Variants in CFAP58 observed in about 807,000 individuals in gnomAD.
CFAP58 encodes cilia and flagella associated protein 58.
CFAP58 carries 88 observed loss-of-function variants against 119.5 expected under a neutral mutation model. The ratio of observed to expected loss-of-function variants is 0.74; its 90% CI spans 0.62 to 0.88. CFAP58 has a LOEUF of 0.88. CFAP58 is among the 40% of genes least tolerant of loss of function. The pLI, the probability that CFAP58 is intolerant of heterozygous loss-of-function variation, is 0.00. For synonymous variants in CFAP58, 365 were observed against 366.3 expected (o/e 1.00, Z 0.04); for missense variants, 990 against 1,021.2 (o/e 0.97, Z 0.42).
intron 15 of CFAP58, among the ~76,000 whole-genome samples, chr10:104,424,741 G>A (rs1191627547): frequency 1.3e-5 from 2 of 152,174 alleles, no homozygotes; most frequent in Non-Finnish European, 2.9e-5. Flanking sequence ...TTATGCAGTA[G>A]AGCCACTGTC....
chr10:104,346,827 G>T, the CFAP58 span, among the ~76,000 whole-genome samples: 12 of 151,744 alleles, frequency 7.9e-5, 1 homozygote, highest in South Asian at 1.5e-3. Context: ...GTAGAGACAG[G>T]ATTTCACCAT....
chr10:104,362,118 C>T lies in CFAP58; in HGVS notation c.387C>T (p.Asn129=). The T allele has an allele frequency of 6.2e-7, 1 of 1,614,062 alleles. No individual in the cohort carries two copies. The highest frequency in any genetic ancestry group is 8.5e-7 in the Non-Finnish European group (1 of 1,179,982). The change falls in exon 3 of 18, where the codon AAC becomes AAT. Residue 129 remains asparagine, a synonymous_variant. Transcript: ENST00000369704. ...TTGCTCTGAAAGAGGAAATAGTGAACCTGACCAAACTAGTGGAGCAGGGGT... is the reference window on the plus strand; with the variant it reads ...TTGCTCTGAAAGAGGAAATAGTGAATCTGACCAAACTAGTGGAGCAGGGGT... ...TILALKEEIV[N]LTKLVEQGSG...
intron 15 of CFAP58, among the ~76,000 whole-genome samples, chr10:104,444,701 C>T (rs1274162236): frequency 6.6e-6 from 1 of 152,172 alleles, no homozygotes; most frequent in Non-Finnish European, 1.5e-5. Flanking sequence ...ACAGGTTTTC[C>T]ACTGTAAGCA....
chr10:104,349,052 G>C (rs943802888), upstream of CFAP58, among the ~76,000 whole-genome samples: 1 of 152,192 alleles, frequency 6.6e-6, no homozygotes, highest in Non-Finnish European at 1.5e-5. Context: ...TTTGAGACCA[G>C]CCTGGCTAAC....
intron 15 of CFAP58, among the ~76,000 whole-genome samples, chr10:104,439,882 C>G (rs1265624213): frequency 1.3e-5 from 2 of 152,140 alleles, no homozygotes; most frequent in Non-Finnish European, 2.9e-5. Flanking sequence ...TGCAGTGGCG[C>G]GATCTCGGCT....
intron 9 of CFAP58, among the ~76,000 whole-genome samples, chr10:104,383,753 A>AACACACACAC (rs59181888): frequency 0.021 from 2,996 of 145,896 alleles, 40 homozygotes; most frequent in South Asian, 0.051. Flanking sequence ...TTTACTGTCC[A>AACACACACAC]ACACACACAC....
chr10:104,355,151 A>G (rs1353449650), intron 1 of CFAP58, among the ~76,000 whole-genome samples: 1 of 151,970 alleles, frequency 6.6e-6, no homozygotes, highest in Non-Finnish European at 1.5e-5. Flanking sequence ...ACCCATAGTC[A>G]TTTGTATCTC....
At chr10:104,341,704 A>G in the CFAP58 span, among the ~76,000 whole-genome samples, 1 of 151,898 alleles carries the variant, frequency 6.6e-6, no homozygotes, top group African/African-American at 2.4e-5. Flanking sequence ...ATATTAACAA[A>G]TAGAATTCCA....
In CFAP58 at chr10:104,380,236, ATGT is replaced by A; in HGVS notation, c.1365+20_1365+22del. The A allele has an allele frequency of 6.2e-7, 1 of 1,609,888 alleles. No homozygotes were observed. The highest frequency in any genetic ancestry group is 1.1e-5 in the South Asian group (1 of 90,716). On this transcript the variant is annotated intron_variant, in intron 9 of 17. Transcript: ENST00000369704. ...TACGCAAAAGGTAAGCTGCTCAGTG[ATGT>A]TGTGGGTGGAGCAGAGGCACATTCC... is the stretch of plus-strand genomic sequence containing the variant.
the CFAP58 span, among the ~76,000 whole-genome samples, chr10:104,343,817 A>G: frequency 6.6e-6 from 1 of 152,190 alleles, no homozygotes; most frequent in African/African-American, 2.4e-5. Flanking sequence ...GGTCGGCTTC[A>G]CTGCAGCCTC....
chr10:104,357,840 CATAT>C (rs1564875494), intron 1 of CFAP58, among the ~76,000 whole-genome samples: 1,466 of 71,040 alleles, frequency 0.021, 82 homozygotes, highest in African/African-American at 0.086. Context: ...TATATGTACA[CATAT>C]GTACACATAT....
At chr10:104,419,894 T>C (rs915102081) in intron 15 of CFAP58, among the ~76,000 whole-genome samples, 8 of 152,230 alleles carry the variant, frequency 5.3e-5, no homozygotes. Context: ...AAGACTATGA[T>C]GGTACCTTCA....
intron 7 of CFAP58, 68 bp from the exon 8 acceptor site, chr10:104,376,743 T>C: frequency 7.8e-7 from 1 of 1,281,124 alleles, no homozygotes. Context: ...TTTGTATCAC[T>C]TCGGCTTTTG....
the CFAP58 span, among the ~76,000 whole-genome samples, chr10:104,341,154 T>C: frequency 2.6e-5 from 4 of 152,316 alleles, no homozygotes; most frequent in South Asian, 8.3e-4. Flanking sequence ...TTCGGTTGTT[T>C]ATCCTGGTCC....
At chr10:104,382,475 C>T in intron 9 of CFAP58, 1 of 400,192 alleles carries the variant, frequency 2.5e-6, no homozygotes, top group Non-Finnish European at 4.6e-6. Context: ...TTTATTATTA[C>T]TCTGGATATA....
chr10:104,382,054 A>G, intron 9 of CFAP58: 1 of 716,200 alleles, frequency 1.4e-6, no homozygotes, highest in Admixed American at 2.0e-5. Context: ...AGCAATAAAG[A>G]TCTATGTTTT....
At chr10:104,381,662 C>T (rs2011806189) in intron 9 of CFAP58, among the ~76,000 whole-genome samples, 1 of 151,612 alleles carries the variant, frequency 6.6e-6, no homozygotes, top group Non-Finnish European at 1.5e-5. Context: ...TGACAAGGGA[C>T]AGCCAATATT....
intron 15 of CFAP58, among the ~76,000 whole-genome samples, chr10:104,434,884 G>A (rs748563350): frequency 6.6e-6 from 1 of 152,144 alleles, no homozygotes; most frequent in Non-Finnish European, 1.5e-5. Context: ...ATGGTCTTTT[G>A]GAATTGAGTC....
chr10:104,343,847 A>G, the CFAP58 span, among the ~76,000 whole-genome samples: 10 of 152,142 alleles, frequency 6.6e-5, no homozygotes, highest in Admixed American at 2.0e-4. Flanking sequence ...GGGTCAATCA[A>G]TTCTCCTGCC....
Sources: gnomAD v4.1 joint callset for allele counts (sites outside exome capture counted in the v4.1 genomes callset) on GRCh38, gnomAD v4.1.1 for gene constraint, MANE v1.5 for transcripts, NCBI Gene and HGNC (gene_info 2026-07-23, HGNC 2026-07-21) for gene names.